Variants in PCDHGA7 observed in about 807,000 individuals in gnomAD.
PCDHGA7 encodes the protein protocadherin gamma-A7.
Under a neutral mutation model 58.3 loss-of-function variants are expected in PCDHGA7, and 44 were observed. The ratio of observed to expected loss-of-function variants is 0.75; its 90% CI spans 0.59 to 0.97. PCDHGA7 has a LOEUF of 0.97. Among genes scored for constraint, PCDHGA7 ranks in the 50% least tolerant of loss-of-function variants. The pLI, the probability that PCDHGA7 is intolerant of heterozygous loss-of-function variation, is 0.00. For missense variants in PCDHGA7, 1,266 were observed against 1,188.7 expected, an observed-to-expected ratio of 1.06 and a Z score of -0.96; for synonymous variants, 516 against 504.2, an observed-to-expected ratio of 1.02 and a Z score of -0.31.
chr5:141,446,821 T>C lies in PCDHGA7; in HGVS notation c.2425-47986T>C, dbSNP rs183143971. ...CATTGTGATCATCTAGTCAGATGGG[T>C]AGATCCTTATAAGGCTGAGCATAAT... On this transcript the variant is annotated intron_variant, in intron 1 of 3. Coordinates refer to ENST00000518325, the MANE Select transcript of PCDHGA7 (RefSeq NM_018920.4). 1.6e-3 allele frequency among the ~76,000 whole-genome samples: 244 copies of C among 152,302 alleles called. 2 individuals carry two copies. The highest frequency in any genetic ancestry group is 5.4e-3 in the African/African-American group (223 of 41,572).
intron 1 of PCDHGA7, chr5:141,392,890 T>G (rs2092623202): frequency 3.1e-6 from 5 of 1,613,418 alleles, no homozygotes; most frequent in Admixed American, 1.7e-5. Context: ...CTGTGGGAAA[T>G]CGGGAGGGGA....
intron 1 of PCDHGA7, chr5:141,478,613 G>T: frequency 6.4e-7 from 1 of 1,557,312 alleles, no homozygotes; most frequent in African/African-American, 1.4e-5. Flanking sequence ...ATTGAGGAAG[G>T]AATGGAGCTG....
intron 1 of PCDHGA7, among the ~76,000 whole-genome samples, chr5:141,400,980 C>T (rs977355527): frequency 6.6e-6 from 1 of 152,102 alleles, no homozygotes; most frequent in African/African-American, 2.4e-5. Context: ...TCTTATGTTC[C>T]TCATATATGC....
rs563145930 is a variant in PCDHGA7 at position 141,392,984 on chromosome 5, GA to G, written c.2424+7663del. 408 of 1,613,914 alleles carry G rather than the reference GA, an allele frequency of 2.5e-4. 2 individuals carry two copies. In the African/African-American group the frequency reaches 4.6e-3, roughly 18 times the overall value. On this transcript the variant is annotated intron_variant, in intron 1 of 3. Transcript: ENST00000518325. The stretch of plus-strand genomic sequence containing the variant: ...CCAAGGACCTGGGGCTGGACCCCCG[GA>G]AGCTGGCGAAGCACGGAGTCCGTAT...
intron 1 of PCDHGA7, chr5:141,418,428 A>G: frequency 6.2e-7 from 1 of 1,613,980 alleles, no homozygotes; most frequent in Non-Finnish European, 8.5e-7. Flanking sequence ...GATGGTGGCA[A>G]ATATCCAGAA....
chr5:141,480,946 G>A (rs1415705408), intron 1 of PCDHGA7, among the ~76,000 whole-genome samples: 1 of 152,172 alleles, frequency 6.6e-6, no homozygotes, highest in Non-Finnish European at 1.5e-5. Context: ...TCTAGAGGCT[G>A]AGGCGGAAGC....
intron 1 of PCDHGA7, chr5:141,389,769 G>A (rs2091901102): frequency 3.1e-6 from 5 of 1,612,950 alleles, no homozygotes; most frequent in Non-Finnish European, 4.2e-6. Context: ...CACAGCGCGT[G>A]CCTTAGGCGA....
intron 1 of PCDHGA7, chr5:141,409,138 A>T: frequency 6.2e-7 from 1 of 1,614,046 alleles, no homozygotes; most frequent in South Asian, 1.1e-5. Context: ...TTGAAGATGT[A>T]GAAAGGTACA....
chr5:141,458,823 C>T (rs1185812086), intron 1 of PCDHGA7, among the ~76,000 whole-genome samples: 1 of 152,126 alleles, frequency 6.6e-6, no homozygotes, highest in African/African-American at 2.4e-5. Flanking sequence ...ACCTCTGCCT[C>T]CCAGGCTCAA....
Position 141,512,423 on chromosome 5 carries a change from T to C in PCDHGA7, c.*1250T>C, listed in dbSNP as rs2099884220. ...GATGGGGCTTCTTCAACAGGGCCCC[T>C]GCCCTCCTGAAGCCTCAGTCCTTCA... is the stretch of plus-strand genomic sequence containing the variant. On this transcript the variant is annotated 3_prime_UTR_variant, in exon 4 of 4. Transcript: ENST00000518325. 1 of 152,754 alleles carries C rather than the reference T, an allele frequency of 6.5e-6. No individual in the cohort carries two copies. The highest frequency in any genetic ancestry group is 6.5e-5 in the Admixed American group (1 of 15,274). The allele number at this position is 152,754 out of a possible 1,614,324, so 9.5% of individuals were successfully genotyped here.
chr5:141,501,066 A>G (rs2099805322), intron 2 of PCDHGA7, among the ~76,000 whole-genome samples: 1 of 151,976 alleles, frequency 6.6e-6, no homozygotes, highest in South Asian at 2.1e-4. Flanking sequence ...ACGGGGTTTC[A>G]CCATGTTGAC....
intron 1 of PCDHGA7, chr5:141,403,515 G>A: frequency 6.2e-7 from 1 of 1,614,024 alleles, no homozygotes; most frequent in Non-Finnish European, 8.5e-7. Context: ...GGAGACAATG[G>A]AGCCATAAAC....
chr5:141,391,875 T>C (rs2092433581), intron 1 of PCDHGA7: 2 of 152,212 alleles, frequency 1.3e-5, no homozygotes, highest in Non-Finnish European at 2.9e-5. Context: ...ATCATCTCTT[T>C]GGTGAAAGGG....
At chr5:141,505,552 T>C (rs920594597) in intron 3 of PCDHGA7, 71 bp downstream of exon 3, 8 of 1,608,230 alleles carry the variant, frequency 5.0e-6, no homozygotes, top group Non-Finnish European at 6.8e-6. Context: ...ACAGCCACCA[T>C]GCCCACGGAC....
chr5:141,483,289 A>G (rs1446467890), intron 1 of PCDHGA7, among the ~76,000 whole-genome samples: 3 of 152,194 alleles, frequency 2.0e-5, no homozygotes, highest in Admixed American at 2.0e-4. Flanking sequence ...TCTGTCAGTC[A>G]TAAGTGAAGG....
At chr5:141,481,465 T>C (rs561789315) in intron 1 of PCDHGA7, among the ~76,000 whole-genome samples, 2 of 152,334 alleles carry the variant, frequency 1.3e-5, no homozygotes, top group South Asian at 2.1e-4. Context: ...CTGAAAACCA[T>C]TGGATTATAC....
rs138542775 is a variant in PCDHGA7, at chr5:141,491,313, C to T, written c.2425-3494C>T. ...ACCCTCCTGAGCGTTCAGACCTTAC[C>T]CTTTACCTCATTGTGGCTCTAGCGA... On this transcript the variant is annotated intron_variant, in intron 1 of 3. Transcript: ENST00000518325. This position sits in a 1 kb window ranked among gnomAD's most constrained non-coding sequence, Gnocchi z 6.9. 405 of 1,614,154 alleles carry T rather than the reference C, an allele frequency of 2.5e-4. 2 individuals are homozygous for T. In the African/African-American group the frequency reaches 4.5e-3, roughly 18 times the overall value.
rs1036223789 is a variant in PCDHGA7, at chr5:141,511,298, G to A, written c.*125G>A. On this transcript the variant is annotated 3_prime_UTR_variant, in exon 4 of 4. Transcript: ENST00000518325. ...GAATACTGGTAGGGGCCAAGGCCAT[G>A]CTCCCCTTGGGAAACAGAAACAAGT... The A allele has an allele frequency of 4.7e-6, 7 of 1,502,412 alleles. No individual in the cohort carries two copies. In the African/African-American group the frequency reaches 8.4e-5, roughly 18 times the overall value. The allele number at this position is 1,502,412 out of a possible 1,614,324, so 93.1% of individuals were successfully genotyped here. A position where few individuals can be genotyped will look rare whatever the true frequency, so the allele number is the denominator to read the frequency against.
In PCDHGA7 at chr5:141,494,849, A is replaced by C; in HGVS notation, c.2467A>C (p.Arg823=). ...NTDWRFSQAQ[R]PGTSGSQNGD... ...GGACTGGCGTTTCTCTCAGGCCCAG[A>C]GACCCGGCACCAGCGGGTAGGTGAC... Residue 823 remains arginine, a synonymous_variant, in exon 2 of 4, where the codon AGA becomes CGA. Transcript: ENST00000518325. 1 of 1,614,102 alleles carries C rather than the reference A, an allele frequency of 6.2e-7. No individual in the cohort carries two copies. Among genetic ancestry groups the C allele is most frequent in the Non-Finnish European group, 8.5e-7 (1 of 1,180,014 alleles).
Sources: allele counts gnomAD v4.1 joint callset (sites outside exome capture counted in the v4.1 genomes callset), GRCh38; gene constraint gnomAD v4.1.1; non-coding constraint Gnocchi (gnomAD v3.1); transcripts MANE v1.5; gene names NCBI Gene and HGNC (gene_info 2026-07-23, HGNC 2026-07-21).